The following PDHX variants were observed in gnomAD, a reference collection of about 807,000 sequenced individuals.
The protein encoded by PDHX is pyruvate dehydrogenase complex component X, also known as pyruvate dehydrogenase protein X component, mitochondrial.
In PDHX, 33 loss-of-function variants were observed where a neutral mutation model predicts 55.3. The ratio of observed to expected loss-of-function variants is 0.60; its 90% CI spans 0.45 to 0.80. PDHX has a LOEUF of 0.80. Ranked by LOEUF, PDHX falls within the 30% of genes least tolerant of loss-of-function variation. PDHX has a pLI of 0.00. For missense variants in PDHX, 622 were observed against 619.9 expected (o/e 1.00, Z -0.04); for synonymous variants, 226 against 219.4 (o/e 1.03, Z -0.27).
chr11:34,978,209 G>A (rs761874757), intron 8 of PDHX, 27 bp downstream of exon 8: 1 of 1,304,170 alleles, frequency 7.7e-7, no homozygotes, highest in South Asian at 1.2e-5. Flanking sequence ...AAATGATTTT[G>A]TCTTCTTAAG....
Position 34,984,647 on chromosome 11 carries a change from G to A in PDHX, c.1101G>A (p.Val367=). 1 of 1,613,838 alleles carries A rather than the reference G, an allele frequency of 6.2e-7. No homozygotes were observed. Among genetic ancestry groups the A allele is most frequent in the Non-Finnish European group, 8.5e-7 (1 of 1,179,804 alleles). ...QLPFIDISVA[V]ATDKGLLTPI... ...CATTTATTGACATTTCAGTGGCTGTGGCAACAGATAAAGGCTTACTTACTC... is the reference window on the plus strand; with the variant it reads ...CATTTATTGACATTTCAGTGGCTGTAGCAACAGATAAAGGCTTACTTACTC... The change falls in exon 9 of 11, where the codon GTG becomes GTA. Residue 367 remains valine, a synonymous_variant. Coordinates refer to ENST00000227868, the MANE Select transcript of PDHX (RefSeq NM_003477.3).
intron 5 of PDHX, among the ~76,000 whole-genome samples, chr11:34,962,777 TCTTC>T (rs548953733): frequency 5.9e-4 from 90 of 152,306 alleles, no homozygotes; most frequent in Non-Finnish European, 1.1e-3. Flanking sequence ...AATAAAGGTT[TCTTC>T]CTTCCTTTTC....
chr11:34,994,773 A>T, intron 10 of PDHX, 141 bp from the exon 11 acceptor site: 1 of 823,260 alleles, frequency 1.2e-6, no homozygotes, highest in Non-Finnish European at 2.0e-6. Context: ...GTAAATACTA[A>T]ATGTTTCCTT....
intron 2 of PDHX, among the ~76,000 whole-genome samples, chr11:34,937,956 T>A (rs1308739783): frequency 6.6e-6 from 1 of 152,220 alleles, no homozygotes; most frequent in East Asian, 1.9e-4. Flanking sequence ...GTGAAGTCAG[T>A]AGGCATAACA....
At chr11:34,956,601 T>G (rs1251111789) in intron 3 of PDHX, among the ~76,000 whole-genome samples, 1 of 152,160 alleles carries the variant, frequency 6.6e-6, no homozygotes, top group African/African-American at 2.4e-5. Context: ...ATTAGCCCTT[T>G]CTTTATAAAT....
intron 1 of PDHX, among the ~76,000 whole-genome samples, chr11:34,929,569 C>T (rs1270868291): frequency 6.6e-6 from 1 of 152,202 alleles, no homozygotes; most frequent in East Asian, 1.9e-4. Context: ...GAAGAATGCT[C>T]ACATGGATCT....
Position 34,957,411 on chromosome 11 carries a change from C to G in PDHX, c.370C>G (p.Leu124Val). 1 of 1,611,284 alleles carries G rather than the reference C, an allele frequency of 6.2e-7. No individual in the cohort carries two copies. The highest frequency in any genetic ancestry group is 8.5e-7 in the Non-Finnish European group (1 of 1,177,480). Reference protein sequence around the residue: ...VVEEGSKNIRLGSLIGLIVEE... With the variant: ...VVEEGSKNIRVGSLIGLIVEE... Reference sequence around the variant, plus strand: ...TGAAGAAGGAAGTAAAAATATACGGCTAGGTTCACTAATTGGTTTGATAGT... The same window carrying G: ...TGAAGAAGGAAGTAAAAATATACGGGTAGGTTCACTAATTGGTTTGATAGT... Residue 124 changes from leucine to valine, a missense_variant, in exon 4 of 11, where the codon CTA (leucine) becomes GTA (valine). Coordinates refer to ENST00000227868, the MANE Select transcript of PDHX (RefSeq NM_003477.3).
At chr11:34,980,113 C>T (rs576431434) in intron 8 of PDHX, among the ~76,000 whole-genome samples, 1 of 146,866 alleles carries the variant, frequency 6.8e-6, no homozygotes, top group East Asian at 2.0e-4. Context: ...GAAAATCACT[C>T]ATTTAATTTA....
In PDHX at chr11:34,984,731, A is replaced by G. The variant is rs1190833924; in HGVS notation, c.1182+3A>G. On this transcript the variant is annotated splice_donor_region_variant and intron_variant, in intron 9 of 10. Coordinates refer to ENST00000227868, the MANE Select transcript of PDHX (RefSeq NM_003477.3). ...AGGAAATTGCTGACTCTGTAAAGGT[A>G]TGTCTTAAGAAAGAGTGTGCTTTCA... is the stretch of plus-strand genomic sequence containing the variant. 3.1e-6 allele frequency: 5 copies of G among 1,613,476 alleles called. No homozygotes were observed. In the South Asian group the frequency reaches 5.5e-5, roughly 18 times the overall value.
rs552540475 is a variant in PDHX, at chr11:34,944,118, A to G, written c.242-3388A>G. ...GTATATATATATAAAATATATTTATATAATTATTATTATTTTTTAGACAGA... is the reference window on the plus strand; with the variant it reads ...GTATATATATATAAAATATATTTATGTAATTATTATTATTTTTTAGACAGA... On this transcript the variant is annotated intron_variant, in intron 2 of 10. Coordinates refer to ENST00000227868, the MANE Select transcript of PDHX (RefSeq NM_003477.3). Among the ~76,000 whole-genome samples the G allele has an allele frequency of 2.7e-5, 4 of 149,498 alleles. No individual in the cohort carries two copies. In the East Asian group the frequency reaches 5.8e-4, roughly 22 times the overall value.
chr11:34,954,876 G>A (rs1296540627), intron 3 of PDHX, among the ~76,000 whole-genome samples: 1 of 152,164 alleles, frequency 6.6e-6, no homozygotes, highest in African/African-American at 2.4e-5. Context: ...CAAGCATGGT[G>A]AGATAAGGAA....
upstream of PDHX, chr11:34,916,152 C>G: frequency 6.5e-7 from 1 of 1,547,774 alleles, no homozygotes; most frequent in Admixed American, 1.9e-5. Context: ...CGCTACCCTG[C>G]GCCCAGCTCC....
At chr11:34,954,734 C>T (rs1028942680) in intron 3 of PDHX, among the ~76,000 whole-genome samples, 2 of 151,818 alleles carry the variant, frequency 1.3e-5, no homozygotes, top group African/African-American at 4.9e-5. Flanking sequence ...ATAATAATGC[C>T]TTTAACAATG....
rs68165754 is a variant in PDHX at position 34,939,468 on chromosome 11, GGTGTGTGTGTGTGTGT to G, written c.241+8006_242-8001del. ...CTGATTCACAGCTTCTTTTACTAAT[GGTGTGTGTGTGTGTGT>G]GTGTGTGTGTGTGTGTGTGTGCACT... On this transcript the variant is annotated intron_variant, in intron 2 of 10. Transcript: ENST00000227868. 4.9e-4 allele frequency among the ~76,000 whole-genome samples: 73 copies of G among 149,182 alleles called. 2 individuals carry two copies. The East Asian group carries it at 0.013, about 26-fold the overall frequency.
At chr11:34,919,675 T>C (rs1301355921) in intron 1 of PDHX, among the ~76,000 whole-genome samples, 1 of 152,246 alleles carries the variant, frequency 6.6e-6, no homozygotes, top group Non-Finnish European at 1.5e-5. Context: ...TATATACATA[T>C]ATTAATTTGT....
upstream of PDHX, chr11:34,916,253 C>T (rs758274248): frequency 6.2e-7 from 1 of 1,612,598 alleles, no homozygotes; most frequent in Admixed American, 1.7e-5. Flanking sequence ...CCGGGAACAA[C>T]AGTCTCCCTC....
Position 34,960,419 on chromosome 11 carries a change from G to A in PDHX, c.543-1G>A. The A allele has an allele frequency of 6.2e-7, 1 of 1,607,970 alleles. No homozygotes were observed. Among genetic ancestry groups the A allele is most frequent in the Non-Finnish European group, 8.5e-7 (1 of 1,175,034 alleles). On this transcript the variant is annotated splice_acceptor_variant, in intron 4 of 10. Transcript: ENST00000227868. LOFTEE classifies it high-confidence loss of function. ...TATTAACCTTCATATTTTTTTCTTA[G>A]GTTCCGTTTAAGTCCAGCTGCCCGC...
intron 3 of PDHX, among the ~76,000 whole-genome samples, chr11:34,948,094 C>T (rs1017295516): frequency 5.0e-4 from 76 of 152,144 alleles, no homozygotes; most frequent in Non-Finnish European, 9.0e-4. Flanking sequence ...AATTCTTCAT[C>T]CCCTGTGCCT....
In PDHX at chr11:34,987,729, AGTGTGT is replaced by A. The variant is rs112490795; in HGVS notation, c.1182+3016_1182+3021del. ...AAGTATGCACCAAGTAGAAACCCTG[AGTGTGT>A]GTGTGTGTGTGTGTATGTGTGTGTG... is the stretch of plus-strand genomic sequence containing the variant. On this transcript the variant is annotated intron_variant, in intron 9 of 10. Transcript: ENST00000227868. Among the ~76,000 whole-genome samples, 10 of 149,600 alleles carry A rather than the reference AGTGTGT, an allele frequency of 6.7e-5. No homozygotes were observed. The East Asian group carries it at 1.6e-3, about 24-fold the overall frequency.
Sources: gnomAD v4.1 joint callset for allele counts (sites outside exome capture counted in the v4.1 genomes callset) on GRCh38, gnomAD v4.1.1 for gene constraint, MANE v1.5 for transcripts, NCBI Gene and HGNC (gene_info 2026-07-23, HGNC 2026-07-21) for gene names.